Variants in CDC42EP5 observed in about 807,000 individuals in gnomAD.
CDC42EP5 encodes the protein CDC42 effector protein (Rho GTPase binding) 5.
For missense variants in CDC42EP5, 269 were observed against 238.0 expected, an observed-to-expected ratio of 1.13 and a Z score of -0.86; for synonymous variants, 118 against 123.3, an observed-to-expected ratio of 0.96 and a Z score of 0.28.
At chr19:54,471,437 G>A (rs1309889527) in intron 2 of CDC42EP5, 108 bp downstream of exon 2, 3 of 151,948 alleles carry the variant, frequency 2.0e-5, no homozygotes, top group Non-Finnish European at 4.4e-5. Flanking sequence ...CCGGCCCGGC[G>A]AGGGCTTCAC....
At chr19:54,467,026 C>T (rs112995041) in intron 2 of CDC42EP5, among the ~76,000 whole-genome samples, 3 of 149,746 alleles carry the variant, frequency 2.0e-5, no homozygotes, top group Admixed American at 6.7e-5. Context: ...CTCCTGACCT[C>T]GTGATCTGCC....
intron 2 of CDC42EP5, among the ~76,000 whole-genome samples, chr19:54,469,057 C>T (rs548697438): frequency 4.0e-5 from 6 of 150,146 alleles, no homozygotes; most frequent in South Asian, 2.1e-4. Context: ...TGCAATGGCG[C>T]GATCTCGGCT....
intron 2 of CDC42EP5, among the ~76,000 whole-genome samples, chr19:54,469,076 C>G (rs1177847497): frequency 6.6e-6 from 1 of 151,770 alleles, no homozygotes; most frequent in African/African-American, 2.4e-5. Context: ...CTCACTGCAA[C>G]CTCCGCCTCC....
chr19:54,470,822 AC>A (rs2084825379), intron 2 of CDC42EP5, among the ~76,000 whole-genome samples: 1 of 152,162 alleles, frequency 6.6e-6, no homozygotes, highest in African/African-American at 2.4e-5. Context: ...ATAGGAGACT[AC>A]GGGCATGCCA....
chr19:54,465,385 C>T lies in CDC42EP5; in HGVS notation c.163G>A (p.Gly55Arg), dbSNP rs1250185719. The T allele has an allele frequency of 1.5e-5, 18 of 1,190,002 alleles. No homozygotes were observed. The highest frequency in any genetic ancestry group is 1.6e-5 in the African/African-American group (1 of 61,970). The allele number at this position is 1,190,002 out of a possible 1,614,324, so 73.7% of individuals were successfully genotyped here. The change falls in exon 3 of 3, where the codon GGG becomes AGG. Residue 55 changes from glycine to arginine, a missense_variant. Gly to Arg is a moderately radical substitution (Grantham distance 125). Transcript: ENST00000301200. ...GGCGCCCGGGGCTCGGGGGGCGGCC[C>T]GCCGCCGTGGCGGCTCAGGAACGAG... ...DTSFLSRHGG[G>R]PPPEPRAPPA...
At position 54,470,774 on chromosome 19, in the gene CDC42EP5, G is replaced by A. The variant is rs188957971; in HGVS notation, c.-1+771C>T. Reference sequence around the variant, plus strand: ...TGGGTCACACAGTAGCAAATGCTGCGCGCCAGATCTGGAATCCAGACGAAC... The same window carrying A: ...TGGGTCACACAGTAGCAAATGCTGCACGCCAGATCTGGAATCCAGACGAAC... On this transcript the variant is annotated intron_variant, in intron 2 of 2. Transcript: ENST00000301200. 6.4e-4 allele frequency among the ~76,000 whole-genome samples: 98 copies of A among 152,248 alleles called. 1 individual carries two copies. The highest frequency in any genetic ancestry group is 1.0e-3 in the Non-Finnish European group (68 of 68,018).
chr19:54,465,162 G>T lies in CDC42EP5; in HGVS notation c.386C>A (p.Pro129His), dbSNP rs139300908. 52 of 1,412,046 alleles carry T rather than the reference G, an allele frequency of 3.7e-5. No homozygotes were observed. The highest frequency in any genetic ancestry group is 3.3e-5 in the Admixed American group (1 of 30,254). The allele number at this position is 1,412,046 out of a possible 1,614,324, so 87.5% of individuals were successfully genotyped here. ...GTTGGGGCGGCAGCGGGCCTGGGGG[G>T]GCTGCGTCCCGGGGCGGGGTTCCGC... ...PDAEPRPGTQPPQARCRPNAD... is the reference protein window; with the variant it reads ...PDAEPRPGTQHPQARCRPNAD... Residue 129 changes from proline (P) to histidine (H), a missense_variant, in exon 3 of 3, where the codon CCC becomes CAC. Coordinates refer to ENST00000301200, the MANE Select transcript of CDC42EP5 (RefSeq NM_145057.4).
At position 54,465,618 on chromosome 19, in the gene CDC42EP5, G is replaced by T. The variant is rs529382127; in HGVS notation, c.1-71C>A. On this transcript the variant is annotated intron_variant, in intron 2 of 2. Transcript: ENST00000301200. ...GCAGCCACGCGACTGCTCAAAGGAC[G>T]ATGGGGGACGGTTCCCGTTTTTTGT... is the stretch of plus-strand genomic sequence containing the variant. 708 of 1,349,266 alleles carry T rather than the reference G, an allele frequency of 5.2e-4. 3 individuals are homozygous for T. The African/African-American group carries it at 9.3e-3, about 18-fold the overall frequency. The allele number at this position is 1,349,266 out of a possible 1,614,324, so 83.6% of individuals were successfully genotyped here.
chr19:54,465,288 G>T lies in CDC42EP5; in HGVS notation c.260C>A (p.Pro87Gln), dbSNP rs969742102. The T allele has an allele frequency of 3.9e-6, 5 of 1,291,950 alleles. No homozygotes were observed. Among genetic ancestry groups the T allele is most frequent in the Non-Finnish European group, 4.9e-6 (5 of 1,017,356 alleles). The allele number at this position is 1,291,950 out of a possible 1,614,324, so 80.0% of individuals were successfully genotyped here. A position where few individuals can be genotyped will look rare whatever the true frequency, so the allele number is the denominator to read the frequency against. Reference sequence around the variant, plus strand: ...CAGATCCAGGTGGAAGGACAGCAGCGGGTCGGCAGGCGAGGGCGCTGCGGA... The same window carrying T: ...CAGATCCAGGTGGAAGGACAGCAGCTGGTCGGCAGGCGAGGGCGCTGCGGA... ...PQSAAPSPAD[P>Q]LLSFHLDLGP... is the part of the protein sequence containing the mutation. Residue 87 changes from proline (P) to glutamine (Q), a missense_variant, in exon 3 of 3, where the codon CCG becomes CAG. Coordinates refer to ENST00000301200, the MANE Select transcript of CDC42EP5 (RefSeq NM_145057.4).
At chr19:54,468,394 C>T (rs1372899264) in intron 2 of CDC42EP5, among the ~76,000 whole-genome samples, 1 of 151,874 alleles carries the variant, frequency 6.6e-6, no homozygotes, top group Non-Finnish European at 1.5e-5. Flanking sequence ...ACATTGATTT[C>T]CATGGGGAAA....
In CDC42EP5 at chr19:54,465,467, G is replaced by C. The variant is rs773771994; in HGVS notation, c.81C>G (p.Leu27=). 3 of 1,516,742 alleles carry C rather than the reference G, an allele frequency of 2.0e-6. No homozygotes were observed. The highest frequency in any genetic ancestry group is 1.2e-5 in the South Asian group (1 of 82,066). 94.0% of individuals were successfully genotyped at this position (1,516,742 alleles called of 1,614,324 possible). A position where few individuals can be genotyped will look rare whatever the true frequency, so the allele number is the denominator to read the frequency against. The part of the protein sequence containing the change: ...DRGALSISAP[L]GDFRHTLHVG... ...CGTGCAGCGTGTGCCGGAAGTCGCCGAGCGGCGCGGAGATGGACAGGGCGC... is the reference window on the plus strand; with the variant it reads ...CGTGCAGCGTGTGCCGGAAGTCGCCCAGCGGCGCGGAGATGGACAGGGCGC... Residue 27 remains leucine, a synonymous_variant, in exon 3 of 3, where the codon CTC becomes CTG. Coordinates refer to ENST00000301200, the MANE Select transcript of CDC42EP5 (RefSeq NM_145057.4).
intron 2 of CDC42EP5, among the ~76,000 whole-genome samples, chr19:54,468,259 C>T (rs2084782448): frequency 6.6e-6 from 1 of 151,996 alleles, no homozygotes; most frequent in South Asian, 2.1e-4. Context: ...AACAGGCACC[C>T]TGGGAAGTAT....
chr19:54,465,329 C>A lies in CDC42EP5; in HGVS notation c.219G>T (p.Pro73=). Residue 73 remains proline, a synonymous_variant, in exon 3 of 3, where the codon CCG becomes CCT. Transcript: ENST00000301200. ...GCGCTGCGGACTGCGGGACGGCGGG[C>A]GGCGGCGGGGAGCGCGGGGCCCCCG... The part of the protein sequence containing the change: ...PPAGAPRSPP[P]PAVPQSAAPS... 3 of 1,187,804 alleles carry A rather than the reference C, an allele frequency of 2.5e-6. No homozygotes were observed. The highest frequency in any genetic ancestry group is 6.7e-4 in the Middle Eastern group (2 of 2,996). 73.6% of individuals were successfully genotyped at this position (1,187,804 alleles called of 1,614,324 possible). A position where few individuals can be genotyped will look rare whatever the true frequency, so the allele number is the denominator to read the frequency against.
chr19:54,468,924 T>TTCCTTCCTTCCTTCC (rs2084795615), intron 2 of CDC42EP5, among the ~76,000 whole-genome samples: 189 of 31,606 alleles, frequency 6.0e-3, no homozygotes, highest in African/African-American at 0.018. Context: ...TCCTTCCTTC[T>TTCCTTCCTTCCTTCC]TTCTTTCTTT....
rs777175682 is a variant in CDC42EP5 at position 54,465,488 on chromosome 19, G to A, written c.60C>T (p.Ala20=). Residue 20 remains alanine, a synonymous_variant, in exon 3 of 3, where the codon GCC becomes GCT. Coordinates refer to ENST00000301200, the MANE Select transcript of CDC42EP5 (RefSeq NM_145057.4). ...AQPKKRPDRG[A]LSISAPLGDF... ...CGCCGAGCGGCGCGGAGATGGACAG[G>A]GCGCCGCGATCAGGCCGCTTCTTGG... 4.6e-6 allele frequency: 7 copies of A among 1,536,956 alleles called. No individual in the cohort carries two copies. The highest frequency in any genetic ancestry group is 6.1e-6 in the Non-Finnish European group (7 of 1,154,208).
At chr19:54,468,096 C>A (rs1008229092) in intron 2 of CDC42EP5, among the ~76,000 whole-genome samples, 17 of 152,114 alleles carry the variant, frequency 1.1e-4, no homozygotes, top group African/African-American at 4.1e-4. Context: ...ATAGAAAAGT[C>A]TGATCAAAGA....
intron 2 of CDC42EP5, among the ~76,000 whole-genome samples, chr19:54,471,331 G>A (rs2084833293): frequency 1.3e-5 from 2 of 151,860 alleles, no homozygotes; most frequent in South Asian, 4.2e-4. Context: ...CCGCCAGGAC[G>A]GAAATAACAA....
intron 1 of CDC42EP5, 126 bp from the exon 2 acceptor site, chr19:54,471,811 A>ACCCCAGACCCGAAAGTCAGGGGC (rs2084840371): frequency 1.2e-5 from 2 of 165,976 alleles, no homozygotes; most frequent in Non-Finnish European, 2.6e-5. Context: ...TCTTAATCCC[A>ACCCCAGACCCGAAAGTCAGGGGC]CCCCAGACCC....
chr19:54,469,287 C>T (rs2123295502), intron 2 of CDC42EP5, among the ~76,000 whole-genome samples: 1 of 152,272 alleles, frequency 6.6e-6, no homozygotes, highest in South Asian at 2.1e-4. Context: ...AGCCACCACA[C>T]CCGGCCCCTA....
Sources: gnomAD v4.1 joint callset for allele counts (sites outside exome capture counted in the v4.1 genomes callset) on GRCh38, gnomAD v4.1.1 for gene constraint, MANE v1.5 for transcripts, NCBI Gene and HGNC (gene_info 2026-07-23, HGNC 2026-07-21) for gene names.